CTNNA3: variants seen among roughly 807,000 people sequenced by gnomAD.
CTNNA3 encodes catenin alpha 3.
Under a neutral mutation model 95.7 loss-of-function variants are expected in CTNNA3, and 76 were observed. The ratio of observed to expected loss-of-function variants is 0.79; its 90% CI spans 0.66 to 0.96. CTNNA3 has a LOEUF of 0.96. Among genes scored for constraint, CTNNA3 ranks in the 40% least tolerant of loss-of-function variants. The pLI, the probability that CTNNA3 is intolerant of heterozygous loss-of-function variation, is 0.00. For synonymous variants in CTNNA3, 431 were observed against 374.4 expected (o/e 1.15, Z -1.74); for missense variants, 1,191 against 1,089.8 (o/e 1.09, Z -1.31).
At chr10:67,017,868 C>G (rs564747724) in intron 7 of CTNNA3, among the ~76,000 whole-genome samples, 1 of 152,152 alleles carries the variant, frequency 6.6e-6, no homozygotes, top group South Asian at 2.1e-4. Flanking sequence ...CTCCAGGGTT[C>G]AAGCGATTCT....
intron 10 of CTNNA3, among the ~76,000 whole-genome samples, chr10:66,561,200 A>AG (rs1477628561): frequency 6.6e-6 from 1 of 152,170 alleles, no homozygotes; most frequent in Non-Finnish European, 1.5e-5. Context: ...TCTAAAATCA[A>AG]GAGGAGTAGA....
chr10:67,448,156 C>T (rs975142241), intron 5 of CTNNA3, among the ~76,000 whole-genome samples: 8 of 152,064 alleles, frequency 5.3e-5, no homozygotes, highest in African/African-American at 9.7e-5. Flanking sequence ...TCATATGATT[C>T]GTATGGTCTT....
chr10:66,233,667 T>C (rs1056248036), intron 13 of CTNNA3, among the ~76,000 whole-genome samples: 3 of 143,746 alleles, frequency 2.1e-5, no homozygotes, highest in Non-Finnish European at 4.6e-5. Flanking sequence ...CATTGAGTGT[T>C]GGCCAAAATG....
At chr10:67,232,837 C>CA (rs914787362) in intron 5 of CTNNA3, among the ~76,000 whole-genome samples, 61 of 151,040 alleles carry the variant, frequency 4.0e-4, no homozygotes, top group African/African-American at 1.5e-3. Context: ...AAATGGAAAA[C>CA]AAAAAAAGGC....
At chr10:66,275,043 T>C (rs558908871) in intron 13 of CTNNA3, among the ~76,000 whole-genome samples, 32 of 152,320 alleles carry the variant, frequency 2.1e-4, no homozygotes, top group African/African-American at 7.2e-4. Flanking sequence ...TAGTTGCTAC[T>C]ACATTGAAAT....
At chr10:66,294,718 C>G (rs771049251) in intron 12 of CTNNA3, among the ~76,000 whole-genome samples, 2 of 151,912 alleles carry the variant, frequency 1.3e-5, no homozygotes, top group Non-Finnish European at 2.9e-5. Flanking sequence ...GGAAGAATTC[C>G]AAGATGACTA....
At chr10:66,363,331 G>A (rs560279385) in intron 12 of CTNNA3, among the ~76,000 whole-genome samples, 1 of 152,276 alleles carries the variant, frequency 6.6e-6, no homozygotes, top group South Asian at 2.1e-4. Flanking sequence ...GCCTTTGAGA[G>A]GTAATTAGGT....
chr10:66,144,025 C>G (rs1381222410), intron 13 of CTNNA3, among the ~76,000 whole-genome samples: 2 of 152,226 alleles, frequency 1.3e-5, no homozygotes, highest in Non-Finnish European at 2.9e-5. Context: ...TAAATACACA[C>G]AAAATAATTC....
At chr10:67,568,363 A>C in intron 3 of CTNNA3, among the ~76,000 whole-genome samples, 1 of 151,948 alleles carries the variant, frequency 6.6e-6, no homozygotes, top group Admixed American at 6.6e-5. Flanking sequence ...TCTTCCTATC[A>C]GTATACTTAG....
intron 3 of CTNNA3, among the ~76,000 whole-genome samples, chr10:67,547,776 C>A: frequency 6.6e-6 from 1 of 152,214 alleles, no homozygotes; most frequent in East Asian, 1.9e-4. Flanking sequence ...TAAATACATT[C>A]CATTCACAAG....
chr10:66,822,910 A>C (rs555963779), intron 7 of CTNNA3, among the ~76,000 whole-genome samples: 88 of 152,332 alleles, frequency 5.8e-4, no homozygotes, highest in Non-Finnish European at 1.1e-3. Flanking sequence ...GCTGCTCTGA[A>C]ACATCTGATC....
intron 5 of CTNNA3, among the ~76,000 whole-genome samples, chr10:67,459,801 T>C (rs1284415644): frequency 1.3e-5 from 2 of 152,192 alleles, no homozygotes; most frequent in Non-Finnish European, 2.9e-5. Flanking sequence ...TACAACAATA[T>C]AACACTACTT....
chr10:67,516,912 T>C (rs1238410382), intron 5 of CTNNA3, among the ~76,000 whole-genome samples: 2 of 152,222 alleles, frequency 1.3e-5, no homozygotes, highest in African/African-American at 4.8e-5. Flanking sequence ...GGTTCAACCA[T>C]ACTATTGCAA....
chr10:67,568,510 C>T (rs898915112), intron 3 of CTNNA3, among the ~76,000 whole-genome samples: 7 of 151,280 alleles, frequency 4.6e-5, no homozygotes, highest in Non-Finnish European at 5.9e-5. Flanking sequence ...TTTCCTTGCA[C>T]GCACACACAC....
chr10:67,457,449 G>A (rs146961049), intron 5 of CTNNA3, among the ~76,000 whole-genome samples: 51 of 152,288 alleles, frequency 3.3e-4, no homozygotes, highest in African/African-American at 9.9e-4. Context: ...AATTAGACCT[G>A]TGACCATAAG....
At chr10:67,562,506 T>C (rs1378154816) in intron 3 of CTNNA3, among the ~76,000 whole-genome samples, 1 of 152,134 alleles carries the variant, frequency 6.6e-6, no homozygotes, top group African/African-American at 2.4e-5. Context: ...ATAAGAGCTA[T>C]CTATGACAAA....
chr10:66,473,518 CCTTTT>C (rs1839208754), intron 11 of CTNNA3, among the ~76,000 whole-genome samples: 1 of 151,752 alleles, frequency 6.6e-6, no homozygotes, highest in South Asian at 2.1e-4. Context: ...GTATTTCTTT[CCTTTT>C]TTATTATTAT....
intron 17 of CTNNA3, among the ~76,000 whole-genome samples, chr10:65,961,366 T>G (rs1271827698): frequency 6.6e-6 from 1 of 152,132 alleles, no homozygotes; most frequent in Non-Finnish European, 1.5e-5. Context: ...TAAAAAGATA[T>G]AAAAACACCT....
chr10:66,836,060 C>T lies in CTNNA3; in HGVS notation c.1048-60536G>A, dbSNP rs540004415. ...GTGCTGGTGAATGTTTAATAACTGG[C>T]TTTCCAGGAAGAAAACAAAAAGTAG... On this transcript the variant is annotated intron_variant, in intron 7 of 17. Coordinates refer to ENST00000433211, the MANE Select transcript of CTNNA3 (RefSeq NM_013266.4). 3.3e-5 allele frequency among the ~76,000 whole-genome samples: 5 copies of T among 152,242 alleles called. No homozygotes were observed. In the South Asian group the frequency reaches 1.0e-3, roughly 32 times the overall value.
Sources: allele counts gnomAD v4.1 joint callset (sites outside exome capture counted in the v4.1 genomes callset), GRCh38; gene constraint gnomAD v4.1.1; transcripts MANE v1.5; gene names NCBI Gene and HGNC (gene_info 2026-07-23, HGNC 2026-07-21).